Variants in NRG3 observed in about 807,000 individuals in gnomAD.
NRG3 encodes pro-neuregulin-3, membrane-bound isoform.
Under a neutral mutation model 66.9 loss-of-function variants are expected in NRG3, and 31 were observed. The ratio of observed to expected loss-of-function variants is 0.46; its 90% CI spans 0.35 to 0.63. NRG3 has a LOEUF of 0.63. Ranked by LOEUF, NRG3 falls within the 20% of genes least tolerant of loss-of-function variation. The pLI is 0.00. For missense variants in NRG3, 910 were observed against 878.9 expected (o/e 1.04, Z -0.45); for synonymous variants, 393 against 359.4 (o/e 1.09, Z -1.06).
At chr10:82,203,650 G>A in intron 1 of NRG3, among the ~76,000 whole-genome samples, 1 of 152,158 alleles carries the variant, frequency 6.6e-6, no homozygotes, top group East Asian at 1.9e-4. Flanking sequence ...TGCAAAATTA[G>A]TACATTATAA....
chr10:82,341,950 C>A (rs1438159178), intron 1 of NRG3, among the ~76,000 whole-genome samples: 3 of 151,898 alleles, frequency 2.0e-5, no homozygotes, highest in Non-Finnish European at 4.4e-5. Flanking sequence ...TATTTTTATA[C>A]CAGCACCATG....
At chr10:82,915,485 A>C (rs561113255) in intron 4 of NRG3, among the ~76,000 whole-genome samples, 1 of 152,310 alleles carries the variant, frequency 6.6e-6, no homozygotes. Flanking sequence ...TTTTTTAAAA[A>C]CAAAATGTGT....
chr10:82,468,283 G>C (rs989556212), intron 2 of NRG3, among the ~76,000 whole-genome samples: 1 of 152,014 alleles, frequency 6.6e-6, no homozygotes. Context: ...TGCATGAGAA[G>C]GGTGGGCGCC....
rs111852820 is a variant in NRG3, at chr10:82,548,334, G to A, written c.953+189466G>A. ...CTTGACTAATTAAGGCAATAATCTC[G>A]TGCCAGAAGGGCCTGGACAAGGGTT... On this transcript the variant is annotated intron_variant, in intron 2 of 8. Transcript: ENST00000372141. Among the ~76,000 whole-genome samples the A allele has an allele frequency of 4.0e-3, 605 of 151,960 alleles. 5 individuals are homozygous for A. The highest frequency in any genetic ancestry group is 0.014 in the African/African-American group (575 of 41,460).
chr10:82,227,382 T>C (rs574756355), intron 1 of NRG3, among the ~76,000 whole-genome samples: 3 of 152,262 alleles, frequency 2.0e-5, no homozygotes, highest in East Asian at 3.9e-4. Flanking sequence ...ATTTGACAAC[T>C]GGCTCATTAT....
At chr10:82,776,626 A>AT (rs928316541) in intron 3 of NRG3, among the ~76,000 whole-genome samples, 1 of 148,010 alleles carries the variant, frequency 6.8e-6, no homozygotes, top group Admixed American at 6.8e-5. Context: ...ACTCTTTTTC[A>AT]TTTTTTTTCT....
At chr10:82,345,379 T>C (rs989314824) in intron 1 of NRG3, among the ~76,000 whole-genome samples, 7 of 151,638 alleles carry the variant, frequency 4.6e-5, no homozygotes, top group Non-Finnish European at 8.8e-5. Flanking sequence ...GTTGTAGATA[T>C]GTGACATTAT....
At chr10:82,308,699 T>C (rs2080872824) in intron 1 of NRG3, among the ~76,000 whole-genome samples, 1 of 152,184 alleles carries the variant, frequency 6.6e-6, no homozygotes, top group African/African-American at 2.4e-5. Context: ...AGCTGTATTT[T>C]ATTAGGATCT....
At chr10:82,532,618 TATAG>T (rs1341166501) in intron 2 of NRG3, among the ~76,000 whole-genome samples, 1 of 148,768 alleles carries the variant, frequency 6.7e-6, no homozygotes, top group East Asian at 1.9e-4. Flanking sequence ...TATAGTACTA[TATAG>T]AGAGAGTACT....
chr10:82,439,749 ATT>A (rs1391147159), intron 2 of NRG3, among the ~76,000 whole-genome samples: 3 of 151,988 alleles, frequency 2.0e-5, no homozygotes, highest in Non-Finnish European at 2.9e-5. Context: ...TTGGAATAAA[ATT>A]AATTTGGTCA....
intron 1 of NRG3, among the ~76,000 whole-genome samples, chr10:82,104,298 T>C (rs1179125488): frequency 6.6e-6 from 1 of 152,192 alleles, no homozygotes; most frequent in Non-Finnish European, 1.5e-5. Flanking sequence ...TATACAGCCA[T>C]GAGATGCTGG....
intron 1 of NRG3, among the ~76,000 whole-genome samples, chr10:82,351,990 C>A (rs1055914872): frequency 6.6e-6 from 1 of 152,116 alleles, no homozygotes; most frequent in Non-Finnish European, 1.5e-5. Flanking sequence ...TTTTCTTAGC[C>A]TATAGAGTAG....
At chr10:82,038,994 A>G (rs561477847) in intron 1 of NRG3, among the ~76,000 whole-genome samples, 211 of 152,236 alleles carry the variant, frequency 1.4e-3, no homozygotes, top group African/African-American at 5.0e-3. Flanking sequence ...AAGGAAGTCT[A>G]TGGAAACAAT....
chr10:82,265,089 A>G (rs567812419), intron 1 of NRG3, among the ~76,000 whole-genome samples: 2 of 152,266 alleles, frequency 1.3e-5, no homozygotes, highest in South Asian at 4.1e-4. Context: ...GTGGGGAGAG[A>G]ATAAAAGGTG....
chr10:82,127,217 T>C (rs1211517940), intron 1 of NRG3, among the ~76,000 whole-genome samples: 1 of 152,068 alleles, frequency 6.6e-6, no homozygotes, highest in Non-Finnish European at 1.5e-5. Context: ...GGTCAAAAAG[T>C]AGACTTAAAA....
intron 3 of NRG3, among the ~76,000 whole-genome samples, chr10:82,843,891 G>A (rs1038270213): frequency 7.9e-5 from 12 of 152,114 alleles, no homozygotes; most frequent in Non-Finnish European, 1.6e-4. Flanking sequence ...ATATCCAGCC[G>A]TTAACCAATA....
At chr10:81,935,695 C>G (rs1018218399) in intron 1 of NRG3, among the ~76,000 whole-genome samples, 7 of 152,162 alleles carry the variant, frequency 4.6e-5, no homozygotes, top group Admixed American at 3.9e-4. Context: ...ATGGGCCACT[C>G]TCTCTGAGAC....
At chr10:82,717,240 A>T (rs1178624099) in intron 2 of NRG3, among the ~76,000 whole-genome samples, 1 of 152,146 alleles carries the variant, frequency 6.6e-6, no homozygotes, top group Non-Finnish European at 1.5e-5. Context: ...CTGAGCTTGT[A>T]TTATATAAAT....
intron 3 of NRG3, among the ~76,000 whole-genome samples, chr10:82,815,839 G>A (rs1017696153): frequency 6.6e-6 from 1 of 152,184 alleles, no homozygotes; most frequent in African/African-American, 2.4e-5. Context: ...CAGCAGTGAG[G>A]GGTGTGTGGG....
Sources: gnomAD v4.1 joint callset for allele counts (sites outside exome capture counted in the v4.1 genomes callset) on GRCh38, gnomAD v4.1.1 for gene constraint, MANE v1.5 for transcripts, NCBI Gene and HGNC (gene_info 2026-07-23, HGNC 2026-07-21) for gene names.